The following WARS2 variants were observed in gnomAD, a reference collection of about 807,000 sequenced individuals.
WARS2 encodes tryptophan--tRNA ligase, mitochondrial.
In WARS2, 28 loss-of-function variants were observed where a neutral mutation model predicts 36.5. The ratio of observed to expected loss-of-function variants is 0.77; its 90% confidence interval spans 0.57 to 1.05. The LOEUF (loss-of-function observed/expected upper bound fraction) is 1.05. Ranked by LOEUF, WARS2 falls within the 50% of genes least tolerant of loss-of-function variation. The probability of loss-of-function intolerance (pLI) is 0.00; values close to 1 mark genes in which losing one functional copy is unlikely to be tolerated. For missense variants in WARS2, 435 were observed against 456.8 expected, an observed-to-expected ratio of 0.95 and a Z score of 0.44; for synonymous variants, 174 against 178.4, an observed-to-expected ratio of 0.98 and a Z score of 0.20.
intron 2 of WARS2, among the ~76,000 whole-genome samples, chr1:119,053,179 T>C (rs1274401996): frequency 6.6e-6 from 1 of 152,094 alleles, no homozygotes; most frequent in Admixed American, 6.6e-5. Flanking sequence ...CTAAGAATGG[T>C]TTTTGCATTT....
intron 1 of WARS2, among the ~76,000 whole-genome samples, chr1:119,077,822 T>C (rs1651865975): frequency 6.6e-6 from 1 of 152,108 alleles, no homozygotes; most frequent in African/African-American, 2.4e-5. Flanking sequence ...ATACATTCCA[T>C]AGTGAAAAAC....
intron 1 of WARS2, among the ~76,000 whole-genome samples, chr1:119,136,077 A>C (rs919054841): frequency 1.3e-5 from 2 of 152,130 alleles, no homozygotes; most frequent in African/African-American, 4.8e-5. Flanking sequence ...TGGCCAATAG[A>C]TGTTTAAATA....
At chr1:119,037,408 T>A (rs1296668126) in intron 4 of WARS2, among the ~76,000 whole-genome samples, 1 of 152,224 alleles carries the variant, frequency 6.6e-6, no homozygotes, top group African/African-American at 2.4e-5. Flanking sequence ...TCTTATTATT[T>A]CTTTTTCTAC....
At chr1:119,066,126 TA>T (rs921796408) in intron 2 of WARS2, among the ~76,000 whole-genome samples, 1 of 149,918 alleles carries the variant, frequency 6.7e-6, no homozygotes, top group African/African-American at 2.5e-5. Context: ...TTGGCTATAT[TA>T]AAAAAAAACA....
chr1:119,083,787 C>T (rs184137075), intron 1 of WARS2, among the ~76,000 whole-genome samples: 58 of 152,258 alleles, frequency 3.8e-4, no homozygotes, highest in Non-Finnish European at 6.8e-4. Flanking sequence ...ATTATCTAAA[C>T]ATGACATAAA....
At chr1:119,060,034 A>G (rs557744562) in intron 2 of WARS2, among the ~76,000 whole-genome samples, 12 of 152,316 alleles carry the variant, frequency 7.9e-5, no homozygotes, top group Admixed American at 5.2e-4. Context: ...CCAAACCCCC[A>G]AGACACAAGT....
At chr1:119,086,163 A>T (rs587655771) in intron 1 of WARS2, among the ~76,000 whole-genome samples, 1 of 152,212 alleles carries the variant, frequency 6.6e-6, no homozygotes, top group Non-Finnish European at 1.5e-5. Flanking sequence ...CCCAGCCTTC[A>T]TAAGAAAATT....
chr1:119,126,748 C>A (rs1309633220), intron 1 of WARS2: 2 of 736,440 alleles, frequency 2.7e-6, no homozygotes, highest in African/African-American at 1.7e-5. Flanking sequence ...TTTTCTATGT[C>A]TTTTCCAATA....
chr1:119,091,013 A>G (rs1312674016), intron 1 of WARS2, among the ~76,000 whole-genome samples: 1 of 152,214 alleles, frequency 6.6e-6, no homozygotes, highest in African/African-American at 2.4e-5. Context: ...ATTTTAAATA[A>G]TGGGAAATTA....
intron 2 of WARS2, 66 bp from the exon 3 acceptor site, chr1:119,045,728 G>A (rs2101130697): frequency 7.8e-7 from 1 of 1,288,482 alleles, no homozygotes; most frequent in Non-Finnish European, 1.1e-6. Flanking sequence ...GAAGAACTAA[G>A]TAGTAAGTAT....
Position 119,076,502 on chromosome 1 carries a change from A to T in WARS2, c.196T>A (p.Tyr66Asn). 5.6e-6 allele frequency: 9 copies of T among 1,614,188 alleles called. No individual in the cohort carries two copies. Among genetic ancestry groups the T allele is most frequent in the Non-Finnish European group, 7.6e-6 (9 of 1,180,028 alleles). ...IESWVRLQDE[Y>N]DSVLYSIVDL... ...ACAATGCTGTATAATACAGAGTCAT[A>T]TTCATCCTGTAACCTCACCCAGCTC... Residue 66 changes from tyrosine to asparagine, a missense_variant, in exon 2 of 6, where the codon TAT (tyrosine) becomes AAT (asparagine). By Grantham distance (143) the Tyr-to-Asn change is moderately radical. Coordinates refer to ENST00000235521, the MANE Select transcript of WARS2 (RefSeq NM_015836.4).
chr1:119,038,936 C>A (rs1212769536), intron 4 of WARS2, among the ~76,000 whole-genome samples: 1 of 152,208 alleles, frequency 6.6e-6, no homozygotes, highest in African/African-American at 2.4e-5. Flanking sequence ...CCTGCCTCGG[C>A]CTCCCAAAGT....
chr1:119,092,283 T>C (rs1204699437), intron 1 of WARS2, among the ~76,000 whole-genome samples: 1 of 152,202 alleles, frequency 6.6e-6, no homozygotes, highest in Non-Finnish European at 1.5e-5. Context: ...AATTGCACCC[T>C]GTTAAAGCAC....
At chr1:119,110,094 CAT>C (rs751704762) in intron 1 of WARS2, among the ~76,000 whole-genome samples, 2 of 151,782 alleles carry the variant, frequency 1.3e-5, no homozygotes, top group African/African-American at 2.4e-5. Context: ...CATAAATAAG[CAT>C]ATATATATGC....
intron 1 of WARS2, chr1:119,126,677 C>T (rs935719288): frequency 1.5e-5 from 11 of 723,676 alleles, no homozygotes; most frequent in Admixed American, 8.7e-5. Context: ...ACTAGGGCTT[C>T]CTCAGCATTT....
At chr1:119,130,449 T>A (rs1457547809) in intron 1 of WARS2, among the ~76,000 whole-genome samples, 2 of 152,092 alleles carry the variant, frequency 1.3e-5, no homozygotes, top group African/African-American at 4.8e-5. Context: ...AGGGCCAGAG[T>A]GACAATAAAA....
At chr1:119,106,281 C>T (rs1452564838) in intron 1 of WARS2, among the ~76,000 whole-genome samples, 1 of 152,136 alleles carries the variant, frequency 6.6e-6, no homozygotes, top group African/African-American at 2.4e-5. Flanking sequence ...CATAGTGGTA[C>T]ATTTGTTAAC....
chr1:119,138,789 G>A (rs967573730), intron 1 of WARS2, among the ~76,000 whole-genome samples: 1 of 151,984 alleles, frequency 6.6e-6, no homozygotes, highest in South Asian at 2.1e-4. Context: ...TCTACTCAAA[G>A]CTAAATTAAA....
intron 1 of WARS2, among the ~76,000 whole-genome samples, chr1:119,095,181 G>C (rs1653339402): frequency 6.6e-6 from 1 of 152,042 alleles, no homozygotes. Flanking sequence ...TACTTAACCA[G>C]ATCACCAAAT....
Sources: allele counts gnomAD v4.1 joint callset (sites outside exome capture counted in the v4.1 genomes callset), GRCh38; gene constraint gnomAD v4.1.1; transcripts MANE v1.5; gene names NCBI Gene and HGNC (gene_info 2026-07-23, HGNC 2026-07-21).